Variants in CAPZA2 observed in about 807,000 individuals in gnomAD.
CAPZA2 encodes capping actin protein of muscle Z-line subunit alpha 2, also known as F-actin-capping protein subunit alpha-2.
CAPZA2 carries 13 observed loss-of-function variants against 44.0 expected under a neutral mutation model. The ratio of observed to expected loss-of-function variants is 0.30; its 90% CI spans 0.19 to 0.47. The LOEUF is 0.47. Ranked by LOEUF, CAPZA2 falls within the 20% of genes least tolerant of loss-of-function variation. CAPZA2 has a pLI of 1.00. For synonymous variants in CAPZA2, 94 were observed against 108.2 expected, an observed-to-expected ratio of 0.87 and a Z score of 0.81; for missense variants, 244 against 338.6, an observed-to-expected ratio of 0.72 and a Z score of 2.19.
chr7:116,872,274 GA>G (rs1796563138), intron 1 of CAPZA2, among the ~76,000 whole-genome samples: 2 of 152,110 alleles, frequency 1.3e-5, no homozygotes, highest in African/African-American at 4.8e-5. Context: ...AAGGGAAAAG[GA>G]AATTGAAAAC....
chr7:116,905,734 A>G (rs974951095), intron 5 of CAPZA2, among the ~76,000 whole-genome samples: 2 of 152,184 alleles, frequency 1.3e-5, no homozygotes, highest in African/African-American at 4.8e-5. Context: ...GCACAAATTA[A>G]TTATTATTTT....
At chr7:116,915,250 C>T (rs181718667) in intron 8 of CAPZA2, among the ~76,000 whole-genome samples, 3 of 152,040 alleles carry the variant, frequency 2.0e-5, no homozygotes, top group Non-Finnish European at 4.4e-5. Flanking sequence ...TTACAGTGAG[C>T]CAAGATCACA....
At chr7:116,890,515 A>G (rs1796818125) in intron 2 of CAPZA2, among the ~76,000 whole-genome samples, 1 of 54,398 alleles carries the variant, frequency 1.8e-5, no homozygotes, top group Non-Finnish European at 3.2e-5. Flanking sequence ...TACTTAAAAA[A>G]AAAAAAAAAA....
intron 1 of CAPZA2, chr7:116,886,106 AGAT>A (rs1233863270): frequency 1.9e-5 from 3 of 154,844 alleles, no homozygotes; most frequent in African/African-American, 4.8e-5. Flanking sequence ...AAAGATGATA[AGAT>A]GATAACAAAA....
chr7:116,883,062 G>A (rs1389578610), intron 1 of CAPZA2, among the ~76,000 whole-genome samples: 1 of 152,190 alleles, frequency 6.6e-6, no homozygotes, highest in East Asian at 1.9e-4. Flanking sequence ...AGAATAACAT[G>A]TGGAGGAAGA....
intron 2 of CAPZA2, among the ~76,000 whole-genome samples, chr7:116,890,818 A>G (rs1159507181): frequency 2.0e-5 from 3 of 149,962 alleles, no homozygotes; most frequent in African/African-American, 2.4e-5. Flanking sequence ...AAAGAATTAA[A>G]TATTTGAAGG....
intron 4 of CAPZA2, among the ~76,000 whole-genome samples, chr7:116,902,245 A>G (rs1236822545): frequency 6.6e-6 from 1 of 152,196 alleles, no homozygotes; most frequent in African/African-American, 2.4e-5. Flanking sequence ...CTGAGTCTAC[A>G]TGTGCAATAC....
intron 9 of CAPZA2, among the ~76,000 whole-genome samples, chr7:116,916,499 T>C (rs1390713464): frequency 6.6e-6 from 1 of 152,152 alleles, no homozygotes; most frequent in Non-Finnish European, 1.5e-5. Flanking sequence ...GGCATGTGCC[T>C]GTAGTGACGA....
chr7:116,898,878 G>A (rs764888717), intron 4 of CAPZA2, 43 bp downstream of exon 4: 12 of 1,182,450 alleles, frequency 1.0e-5, no homozygotes, highest in South Asian at 8.0e-5. Flanking sequence ...GTTTATAACC[G>A]TTAAGGTATC....
chr7:116,910,990 C>CAAAAAAAA (rs57772383), intron 7 of CAPZA2, among the ~76,000 whole-genome samples: 1 of 50,590 alleles, frequency 2.0e-5, no homozygotes, highest in Non-Finnish European at 4.0e-5. Context: ...GACTCCGTCT[C>CAAAAAAAA]AAAAAAAAAA....
chr7:116,863,463 A>G (rs529292325), intron 1 of CAPZA2, among the ~76,000 whole-genome samples: 2 of 152,312 alleles, frequency 1.3e-5, no homozygotes, highest in East Asian at 3.9e-4. Flanking sequence ...CTTTTACTGT[A>G]TATTAGATGC....
chr7:116,886,438 C>T (rs1023987617), intron 1 of CAPZA2, among the ~76,000 whole-genome samples: 7 of 152,214 alleles, frequency 4.6e-5, no homozygotes, highest in Non-Finnish European at 8.8e-5. Context: ...TTTCTCTCCT[C>T]TGAAAATGGT....
At chr7:116,905,129 ACT>A (rs979753897) in intron 5 of CAPZA2, among the ~76,000 whole-genome samples, 5 of 148,738 alleles carry the variant, frequency 3.4e-5, no homozygotes, top group African/African-American at 1.2e-4. Context: ...ACAGAGTGAG[ACT>A]CTGTCTCAAA....
At chr7:116,889,654 T>A (rs1419574120) in intron 2 of CAPZA2, among the ~76,000 whole-genome samples, 1 of 152,132 alleles carries the variant, frequency 6.6e-6, no homozygotes, top group Non-Finnish European at 1.5e-5. Flanking sequence ...TGTATAAAGT[T>A]AAAATTACCC....
chr7:116,914,781 T>G (rs1385830469), intron 8 of CAPZA2, among the ~76,000 whole-genome samples: 1 of 152,162 alleles, frequency 6.6e-6, no homozygotes, highest in Non-Finnish European at 1.5e-5. Context: ...TTAAAAAAAT[T>G]TTTACTAGCA....
At chr7:116,872,424 G>T (rs1304709399) in intron 1 of CAPZA2, among the ~76,000 whole-genome samples, 1 of 152,056 alleles carries the variant, frequency 6.6e-6, no homozygotes, top group African/African-American at 2.4e-5. Context: ...TTCTTTAGAT[G>T]ACCCAGTTTC....
At chr7:116,915,393 G>C (rs757439058) in intron 8 of CAPZA2, 1 of 151,838 alleles carries the variant, frequency 6.6e-6, no homozygotes, top group Non-Finnish European at 1.5e-5. Flanking sequence ...AATTAAACTT[G>C]ACTAATATGC....
In CAPZA2 at chr7:116,865,174, C is replaced by CTT. The variant is rs201926723; in HGVS notation, c.39+2525_39+2526dup. 2.5e-3 allele frequency among the ~76,000 whole-genome samples: 301 copies of CTT among 122,068 alleles called. 18 individuals are homozygous for CTT. Among genetic ancestry groups the CTT allele is most frequent in the African/African-American group, 8.8e-3 (265 of 30,046 alleles). The allele number at this position is 122,068 out of a possible 152,430, so 80.1% of individuals were successfully genotyped here. On this transcript the variant is annotated intron_variant, in intron 1 of 9. Coordinates refer to ENST00000361183, the MANE Select transcript of CAPZA2 (RefSeq NM_006136.3). ...ATGTTCTTGTGACATTATGCGCTCT[C>CTT]TTCTTTTTTTTTTTTTTTTTTTTTT...
At chr7:116,896,020 A>G (rs1403065776) in intron 3 of CAPZA2, among the ~76,000 whole-genome samples, 1 of 152,150 alleles carries the variant, frequency 6.6e-6, no homozygotes, top group Admixed American at 6.5e-5. Flanking sequence ...TTCCAGTGGC[A>G]GTTTCACTAG....
Sources: allele counts gnomAD v4.1 joint callset (sites outside exome capture counted in the v4.1 genomes callset), GRCh38; gene constraint gnomAD v4.1.1; transcripts MANE v1.5; gene names NCBI Gene and HGNC (gene_info 2026-07-23, HGNC 2026-07-21).